The following WDR59 variants were observed in gnomAD, a reference collection of about 807,000 sequenced individuals.
WDR59 encodes the protein GATOR2 complex protein WDR59.
WDR59 carries 100 observed loss-of-function variants against 131.2 expected under a neutral mutation model. The observed-to-expected ratio is 0.76, with a 90% CI of 0.65 to 0.90. The LOEUF (loss-of-function observed/expected upper bound fraction) is 0.90, where lower values mean the gene tolerates loss of function less well. Ranked by LOEUF, WDR59 falls within the 40% of genes least tolerant of loss-of-function variation. The pLI is 0.00. For missense variants in WDR59, 1,203 were observed against 1,262.2 expected (o/e 0.95, Z 0.71); for synonymous variants, 601 against 466.2 (o/e 1.29, Z -3.72).
intron 2 of WDR59, among the ~76,000 whole-genome samples, chr16:74,960,980 T>C (rs908749966): frequency 6.6e-6 from 1 of 152,052 alleles, no homozygotes; most frequent in Admixed American, 6.6e-5. Context: ...TACCACACTT[T>C]ATACAATTTA....
intron 1 of WDR59, among the ~76,000 whole-genome samples, chr16:74,979,942 G>A (rs550370081): frequency 1.3e-5 from 2 of 148,456 alleles, no homozygotes; most frequent in Admixed American, 6.9e-5. Flanking sequence ...TCCAACTCCT[G>A]GGCTCAAGCA....
chr16:74,900,345 G>A (rs181345846), intron 18 of WDR59, among the ~76,000 whole-genome samples: 1 of 152,210 alleles, frequency 6.6e-6, no homozygotes, highest in Admixed American at 6.5e-5. Flanking sequence ...GAAGGAAGGG[G>A]CTAATGCTGA....
chr16:74,942,899 G>C lies in WDR59; in HGVS notation c.446-73C>G, dbSNP rs528079413. 102 of 1,387,438 alleles carry C rather than the reference G, an allele frequency of 7.4e-5. 1 individual carries two copies. In the African/African-American group the frequency reaches 1.2e-3, roughly 16 times the overall value. 85.9% of individuals were successfully genotyped at this position (1,387,438 alleles called of 1,614,324 possible). ...GAAGCAGAGCAGAGCACAGCCAGGG[G>C]AGCTGGATAATGAGTTCTGGCTGAA... On this transcript the variant is annotated intron_variant, in intron 6 of 25. Coordinates refer to ENST00000262144, the MANE Select transcript of WDR59 (RefSeq NM_030581.4).
At chr16:74,974,686 T>C (rs1167141951) in intron 1 of WDR59, among the ~76,000 whole-genome samples, 1 of 152,142 alleles carries the variant, frequency 6.6e-6, no homozygotes, top group East Asian at 1.9e-4. Context: ...AGTGCCTACT[T>C]TCCTTCTGAA....
intron 10 of WDR59, among the ~76,000 whole-genome samples, chr16:74,918,325 A>G (rs1966490884): frequency 6.6e-6 from 1 of 152,234 alleles, no homozygotes; most frequent in South Asian, 2.1e-4. Flanking sequence ...ATCACATTTG[A>G]GCAGAAACTT....
At position 74,893,609 on chromosome 16, in the gene WDR59, CAAAAAAA is replaced by C. The variant is rs10718591; in HGVS notation, c.2000+63_2000+69del. The C allele has an allele frequency of 3.7e-5, 47 of 1,264,724 alleles. No homozygotes were observed. In the Admixed American group the frequency reaches 1.1e-3, roughly 30 times the overall value. The allele number at this position is 1,264,724 out of a possible 1,614,324, so 78.3% of individuals were successfully genotyped here. ...CTTTTGAAGAAAGGATTCCCACACT[CAAAAAAA>C]AAAAAAGTTTTGCTAATCCTGGCTA... On this transcript the variant is annotated intron_variant, in intron 19 of 25. Coordinates refer to ENST00000262144, the MANE Select transcript of WDR59 (RefSeq NM_030581.4).
intron 8 of WDR59, among the ~76,000 whole-genome samples, chr16:74,935,309 T>C (rs975523055): frequency 2.6e-5 from 4 of 151,954 alleles, no homozygotes; most frequent in African/African-American, 7.3e-5. Context: ...TTTTGTGAAA[T>C]AGGCTGCTGT....
Position 74,964,458 on chromosome 16 carries a change from C to CA in WDR59, c.104+1314dup, listed in dbSNP as rs1459603645. Among the ~76,000 whole-genome samples, 8 of 151,426 alleles carry CA rather than the reference C, an allele frequency of 5.3e-5. No homozygotes were observed. The East Asian group carries it at 5.8e-4, about 11-fold the overall frequency. On this transcript the variant is annotated intron_variant, in intron 2 of 25. Coordinates refer to ENST00000262144, the MANE Select transcript of WDR59 (RefSeq NM_030581.4). ...TTATCTAGGCACCCAGTATGACACA[C>CA]AAAAAAATGATATAAATAATTTTCT...
chr16:74,942,598 C>A, intron 7 of WDR59, 140 bp downstream of exon 7: 1 of 734,610 alleles, frequency 1.4e-6, no homozygotes, highest in Non-Finnish European at 2.3e-6. Context: ...TCGTCTGGTA[C>A]TATGAGCTTA....
intron 11 of WDR59, among the ~76,000 whole-genome samples, chr16:74,917,006 T>C (rs1009701567): frequency 2.0e-5 from 3 of 152,206 alleles, no homozygotes; most frequent in Non-Finnish European, 4.4e-5. Flanking sequence ...GAAATTTTTA[T>C]CCAGTATTTT....
chr16:74,957,606 GC>G (rs1477376632), intron 2 of WDR59, among the ~76,000 whole-genome samples: 2 of 152,132 alleles, frequency 1.3e-5, no homozygotes, highest in African/African-American at 4.8e-5. Context: ...CATATGAAGT[GC>G]CAGTAATGTT....
intron 6 of WDR59, among the ~76,000 whole-genome samples, chr16:74,945,395 A>T (rs999418587): frequency 3.3e-5 from 5 of 150,826 alleles, no homozygotes; most frequent in African/African-American, 4.9e-5. Flanking sequence ...GAGAATGGCG[A>T]GAACCTGGGA....
intron 25 of WDR59, among the ~76,000 whole-genome samples, chr16:74,880,866 C>A (rs888299692): frequency 3.3e-5 from 5 of 152,154 alleles, no homozygotes; most frequent in African/African-American, 1.2e-4. Context: ...GTTAACCATA[C>A]AACAAAAAGT....
At chr16:74,921,899 G>A (rs748699177) in intron 10 of WDR59, 48 bp downstream of exon 10, 1 of 1,592,260 alleles carries the variant, frequency 6.3e-7, no homozygotes. Flanking sequence ...TGGCACCGCT[G>A]TCACCAGAGC....
chr16:74,908,597 A>G (rs1222767948), intron 17 of WDR59: 1 of 242,648 alleles, frequency 4.1e-6, no homozygotes, highest in Non-Finnish European at 7.7e-6. Context: ...TGAATAATAA[A>G]ATAATTAAAA....
intron 7 of WDR59, among the ~76,000 whole-genome samples, chr16:74,942,276 C>G (rs1485215734): frequency 6.6e-6 from 1 of 152,090 alleles, no homozygotes; most frequent in Non-Finnish European, 1.5e-5. Context: ...GAGCACCCTA[C>G]CTTGCTCATC....
In WDR59 at chr16:74,889,716, G is replaced by A. The variant is rs139411254; in HGVS notation, c.2182C>T (p.Leu728=). 1 of 1,613,672 alleles carries A rather than the reference G, an allele frequency of 6.2e-7. No homozygotes were observed. The highest frequency in any genetic ancestry group is 1.3e-5 in the African/African-American group (1 of 74,984). ...CTCAAAACCTACAGGGACTCCAGCA[G>A]CTGCCGCCCAAATGGATGTCGAGCC... is the stretch of plus-strand genomic sequence containing the variant. ...PWARHPFGRQ[L]LESLLAHYCR... Residue 728 remains leucine (L), a synonymous_variant, in exon 21 of 26, where the codon CTG becomes TTG. Transcript: ENST00000262144.
At chr16:74,939,607 ATT>A (rs1051739142) in intron 7 of WDR59, among the ~76,000 whole-genome samples, 4 of 152,042 alleles carry the variant, frequency 2.6e-5, no homozygotes, top group African/African-American at 9.7e-5. Context: ...GGGTAGTAGG[ATT>A]ATGAATGATT....
chr16:74,932,894 G>A lies in WDR59; in HGVS notation c.651+5256C>T, dbSNP rs114687319. Among the ~76,000 whole-genome samples the A allele has an allele frequency of 2.6e-3, 397 of 152,220 alleles. 2 individuals carry two copies. The highest frequency in any genetic ancestry group is 9.2e-3 in the African/African-American group (384 of 41,536). ...TTCTGCTGCCTTAAAAATGTCAAAT[G>A]TTATCTATGATTGTAAGAGGATGTG... On this transcript the variant is annotated intron_variant, in intron 8 of 25. Transcript: ENST00000262144.
Sources: allele counts gnomAD v4.1 joint callset (sites outside exome capture counted in the v4.1 genomes callset), GRCh38; gene constraint gnomAD v4.1.1; transcripts MANE v1.5; gene names NCBI Gene and HGNC (gene_info 2026-07-23, HGNC 2026-07-21).